ASIC2: variants seen among roughly 807,000 people sequenced by gnomAD.
ASIC2 encodes the protein acid-sensing ion channel 2.
In ASIC2, 25 loss-of-function variants were observed where a neutral mutation model predicts 57.3. The ratio of observed to expected loss-of-function variants is 0.44; its 90% CI spans 0.32 to 0.61. The LOEUF is 0.61. Among genes scored for constraint, ASIC2 ranks in the 20% least tolerant of loss-of-function variants. The pLI is 0.06. For synonymous variants in ASIC2, 319 were observed against 307.5 expected (o/e 1.04, Z -0.39); for missense variants, 641 against 738.1 (o/e 0.87, Z 1.52).
intron 1 of ASIC2, among the ~76,000 whole-genome samples, chr17:33,422,323 C>A (rs1165145694): frequency 6.6e-6 from 1 of 152,214 alleles, no homozygotes; most frequent in East Asian, 1.9e-4. Context: ...GCAGAGAAGA[C>A]TGCTCCTGTA....
rs747331242 is a variant in ASIC2, at chr17:33,013,957, G to T, written c.*8C>A. On this transcript the variant is annotated 3_prime_UTR_variant, in exon 10 of 10. Coordinates refer to ENST00000225823, the MANE Select transcript of ASIC2 (RefSeq NM_183377.2). ...GTTTGGAGGGAGTGCTGGGTGACTC[G>T]AGGGGTGTCAGCAGGCAATCTCCTC... The T allele has an allele frequency of 6.4e-7, 1 of 1,573,056 alleles. No individual in the cohort carries two copies. Among genetic ancestry groups the T allele is most frequent in the Non-Finnish European group, 8.6e-7 (1 of 1,156,228 alleles).
At chr17:33,486,970 C>A (rs774519150) in intron 1 of ASIC2, among the ~76,000 whole-genome samples, 1 of 152,068 alleles carries the variant, frequency 6.6e-6, no homozygotes, top group Non-Finnish European at 1.5e-5. Flanking sequence ...GGAGGTGTGG[C>A]GGGAAAGAGA....
rs1168931734 is a variant in ASIC2 at position 33,775,099 on chromosome 17, G to A, written c.555+380879C>T. 2.6e-5 allele frequency among the ~76,000 whole-genome samples: 4 copies of A among 152,298 alleles called. No individual in the cohort carries two copies. In the South Asian group the frequency reaches 6.2e-4, roughly 24 times the overall value. On this transcript the variant is annotated intron_variant, in intron 1 of 9. Transcript: ENST00000359872. ...GCAAGGCTTGGAAGCGATCCCATCC[G>A]GGCTTGGGAGAGACAGGAGAGGGAT...
intron 1 of ASIC2, among the ~76,000 whole-genome samples, chr17:33,130,459 A>G (rs190885665): frequency 2.0e-5 from 3 of 152,354 alleles, no homozygotes; most frequent in Admixed American, 2.0e-4. Flanking sequence ...ACCAAAACAC[A>G]TACACGCTAA....
chr17:33,958,135 C>T lies in ASIC2; in HGVS notation c.555+197843G>A, dbSNP rs1217266357. On this transcript the variant is annotated intron_variant, in intron 1 of 9. Coordinates refer to the ASIC2 transcript ENST00000359872. ...AGTGAGCTCCCACAGCCTTGGGCAG[C>T]TCCATCACTGTGGCTTTGCAGGTAC... Among the ~76,000 whole-genome samples, 4 of 152,254 alleles carry T rather than the reference C, an allele frequency of 2.6e-5. No individual in the cohort carries two copies. The South Asian group carries it at 6.2e-4, about 24-fold the overall frequency.
At chr17:33,411,907 T>C (rs1910675361) in intron 1 of ASIC2, among the ~76,000 whole-genome samples, 1 of 152,172 alleles carries the variant, frequency 6.6e-6, no homozygotes, top group Admixed American at 6.5e-5. Flanking sequence ...CTTTAGGGTG[T>C]CATAAATAAA....
intron 1 of ASIC2, among the ~76,000 whole-genome samples, chr17:33,709,900 G>A (rs1395510368): frequency 1.3e-5 from 2 of 152,152 alleles, no homozygotes; most frequent in Non-Finnish European, 2.9e-5. Flanking sequence ...CATTTCCAGT[G>A]ACATGGATGC....
chr17:33,702,066 C>T (rs888769775), intron 1 of ASIC2, among the ~76,000 whole-genome samples: 5 of 152,174 alleles, frequency 3.3e-5, no homozygotes, highest in African/African-American at 4.8e-5. Context: ...AAGGTGGTAA[C>T]TTCTTCCTTT....
intron 1 of ASIC2, among the ~76,000 whole-genome samples, chr17:33,225,161 G>A (rs1907832207): frequency 6.6e-6 from 1 of 152,172 alleles, no homozygotes; most frequent in Admixed American, 6.5e-5. Flanking sequence ...AGCAATCCTG[G>A]GGAAATCGTT....
chr17:33,027,107 G>A (rs72817066), intron 4 of ASIC2, among the ~76,000 whole-genome samples: 14 of 151,984 alleles, frequency 9.2e-5, no homozygotes, highest in Non-Finnish European at 1.6e-4. Flanking sequence ...TCATTTCCTC[G>A]CCTTTCCCAG....
Position 33,493,165 on chromosome 17 carries a change from T to C in ASIC2, c.556-381098A>G, listed in dbSNP as rs190586245. ...GGGCCCAGCAAACAAAGGGGAGTTA[T>C]GGTTTCTTCAGGCTCCAGGGTATGT... On this transcript the variant is annotated intron_variant, in intron 1 of 9. Transcript: ENST00000359872. Among the ~76,000 whole-genome samples, 23 of 152,312 alleles carry C rather than the reference T, an allele frequency of 1.5e-4. No homozygotes were observed. The East Asian group carries it at 4.4e-3, about 29-fold the overall frequency.
chr17:33,699,988 T>A (rs11869137), intron 1 of ASIC2, among the ~76,000 whole-genome samples: 3 of 146,952 alleles, frequency 2.0e-5, no homozygotes, highest in Admixed American at 6.8e-5. Context: ...CTATGCTTAA[T>A]GGAAAAAAAA....
At chr17:33,462,354 G>C (rs1912667005) in intron 1 of ASIC2, among the ~76,000 whole-genome samples, 1 of 152,196 alleles carries the variant, frequency 6.6e-6, no homozygotes, top group Admixed American at 6.5e-5. Context: ...GATATGAGTG[G>C]AAGAGATGTT....
At chr17:33,973,363 A>T (rs1378904839) in intron 1 of ASIC2, among the ~76,000 whole-genome samples, 1 of 152,158 alleles carries the variant, frequency 6.6e-6, no homozygotes, top group Non-Finnish European at 1.5e-5. Flanking sequence ...GTGCAGGCGG[A>T]GGCAAGCTGC....
At chr17:33,504,341 C>A (rs1346523914) in intron 1 of ASIC2, among the ~76,000 whole-genome samples, 1 of 152,116 alleles carries the variant, frequency 6.6e-6, no homozygotes, top group Non-Finnish European at 1.5e-5. Context: ...GTGTTAGTAT[C>A]TTTTTTGTTG....
intron 3 of ASIC2, among the ~76,000 whole-genome samples, chr17:33,061,753 G>C (rs1265984279): frequency 6.6e-6 from 1 of 152,146 alleles, no homozygotes; most frequent in Non-Finnish European, 1.5e-5. Flanking sequence ...GCTCCTCCTT[G>C]TACTCTGGTA....
At chr17:33,560,002 G>GA (rs1231902812) in intron 1 of ASIC2, among the ~76,000 whole-genome samples, 2 of 152,194 alleles carry the variant, frequency 1.3e-5, no homozygotes, top group Non-Finnish European at 2.9e-5. Flanking sequence ...CTCATGTGCA[G>GA]AAAATGTGAC....
At chr17:33,778,755 A>T (rs548741962) in intron 1 of ASIC2, among the ~76,000 whole-genome samples, 1 of 152,218 alleles carries the variant, frequency 6.6e-6, no homozygotes, top group South Asian at 2.1e-4. Flanking sequence ...GAGTAACTAA[A>T]CGCACAGGGT....
intron 1 of ASIC2, among the ~76,000 whole-genome samples, chr17:33,526,542 T>A (rs942119092): frequency 1.3e-5 from 2 of 152,150 alleles, no homozygotes; most frequent in African/African-American, 4.8e-5. Context: ...TCCACTTGTT[T>A]CTCTTATACG....
Sources: allele counts gnomAD v4.1 joint callset (sites outside exome capture counted in the v4.1 genomes callset), GRCh38; gene constraint gnomAD v4.1.1; transcripts MANE v1.5; gene names NCBI Gene and HGNC (gene_info 2026-07-23, HGNC 2026-07-21).